The following CHRM3 variants were observed in gnomAD, a reference collection of about 807,000 sequenced individuals.
CHRM3 encodes the protein muscarinic acetylcholine receptor M3.
Under a neutral mutation model 41.8 loss-of-function variants are expected in CHRM3, and 11 were observed. The observed-to-expected ratio is 0.26, with a 90% CI of 0.17 to 0.44. CHRM3 has a LOEUF of 0.44. Among genes scored for constraint, CHRM3 ranks in the 20% least tolerant of loss-of-function variants. CHRM3 has a pLI of 1.00. For missense variants in CHRM3, 571 were observed against 745.4 expected (o/e 0.77, Z 2.72); for synonymous variants, 297 against 301.4 (o/e 0.99, Z 0.15).
intron 6 of CHRM3, among the ~76,000 whole-genome samples, chr1:239,839,778 A>G (rs1558168618): frequency 6.7e-6 from 1 of 150,142 alleles, no homozygotes; most frequent in Non-Finnish European, 1.5e-5. Flanking sequence ...TGGGACATTT[A>G]CTATTACATT....
At chr1:239,672,115 T>G (rs1674434317) in intron 4 of CHRM3, among the ~76,000 whole-genome samples, 1 of 152,180 alleles carries the variant, frequency 6.6e-6, no homozygotes, top group South Asian at 2.1e-4. Flanking sequence ...GATGTTTTAG[T>G]GAACTTGGAA....
intron 5 of CHRM3, among the ~76,000 whole-genome samples, chr1:239,813,683 C>T (rs189090664): frequency 0.047 from 6,861 of 147,466 alleles, 476 homozygotes; most frequent in African/African-American, 0.14. Context: ...TTTGGGAGGC[C>T]GAGGCGGGCG....
At position 239,845,044 on chromosome 1, in the gene CHRM3, G is replaced by C. The variant is rs1451886239; in HGVS notation, c.-20+17666G>C. ...GACAGGACTAGTCTATTTTCAAGAT[G>C]GCAGAGGTCACAGATGGGCTGAATG... On this transcript the variant is annotated intron_variant, in intron 6 of 6. Transcript: ENST00000676153. Among the ~76,000 whole-genome samples, 4 of 152,294 alleles carry C rather than the reference G, an allele frequency of 2.6e-5. No homozygotes were observed. The East Asian group carries it at 5.8e-4, about 22-fold the overall frequency.
intron 1 of CHRM3, among the ~76,000 whole-genome samples, chr1:239,427,588 G>A (rs1245985955): frequency 6.6e-6 from 1 of 152,084 alleles, no homozygotes; most frequent in African/African-American, 2.4e-5. Flanking sequence ...AAAGGGCAAG[G>A]AAACACCTGG....
At chr1:239,639,101 C>G (rs371774588) in intron 4 of CHRM3, among the ~76,000 whole-genome samples, 6 of 151,842 alleles carry the variant, frequency 4.0e-5, no homozygotes, top group Non-Finnish European at 7.4e-5. Context: ...TCTGAGGGCT[C>G]TGTTCTGTTC....
intron 3 of CHRM3, among the ~76,000 whole-genome samples, chr1:239,564,852 T>A (rs935247226): frequency 6.6e-6 from 1 of 152,186 alleles, no homozygotes; most frequent in African/African-American, 2.4e-5. Flanking sequence ...TATTTCCTAT[T>A]GCAACTCTAA....
intron 4 of CHRM3, among the ~76,000 whole-genome samples, chr1:239,636,112 G>A (rs1046372449): frequency 5.3e-5 from 8 of 152,102 alleles, no homozygotes; most frequent in Non-Finnish European, 1.0e-4. Flanking sequence ...GGGCGACAGG[G>A]CTCCGTTCTT....
intron 3 of CHRM3, among the ~76,000 whole-genome samples, chr1:239,627,681 C>T (rs1338275032): frequency 7.2e-6 from 1 of 139,462 alleles, no homozygotes; most frequent in Non-Finnish European, 1.5e-5. Context: ...TTCAGGAGCT[C>T]TTTTAGGGCA....
chr1:239,663,442 C>T (rs558130312), intron 4 of CHRM3, among the ~76,000 whole-genome samples: 1 of 152,292 alleles, frequency 6.6e-6, no homozygotes, highest in African/African-American at 2.4e-5. Context: ...CCTGTGACAA[C>T]CAACGGAAGG....
intron 2 of CHRM3, among the ~76,000 whole-genome samples, chr1:239,517,484 C>T (rs924908696): frequency 5.3e-5 from 8 of 152,272 alleles, no homozygotes; most frequent in African/African-American, 1.9e-4. Context: ...TTCATTTAGA[C>T]CATAAACACA....
At chr1:239,855,716 A>G (rs1271637168) in intron 6 of CHRM3, among the ~76,000 whole-genome samples, 1 of 152,196 alleles carries the variant, frequency 6.6e-6, no homozygotes, top group Non-Finnish European at 1.5e-5. Context: ...CATTGATTAT[A>G]AGCATTTTCA....
At chr1:239,416,980 G>A (rs980286239) in intron 1 of CHRM3, among the ~76,000 whole-genome samples, 3 of 152,134 alleles carry the variant, frequency 2.0e-5, no homozygotes, top group African/African-American at 7.2e-5. Flanking sequence ...GAACTATAAT[G>A]TCTTGAGAGT....
intron 5 of CHRM3, among the ~76,000 whole-genome samples, chr1:239,816,672 A>G (rs1016077301): frequency 1.3e-5 from 2 of 151,290 alleles, no homozygotes; most frequent in African/African-American, 2.4e-5. Flanking sequence ...ACTAAGCCCT[A>G]TTCTGCCTGT....
chr1:239,759,820 G>T (rs1666580023), intron 5 of CHRM3, among the ~76,000 whole-genome samples: 1 of 152,164 alleles, frequency 6.6e-6, no homozygotes, highest in African/African-American at 2.4e-5. Flanking sequence ...ATTTTTTACA[G>T]CACCTAGAGA....
intron 5 of CHRM3, among the ~76,000 whole-genome samples, chr1:239,810,698 G>C (rs1440346795): frequency 1.3e-5 from 2 of 152,242 alleles, no homozygotes; most frequent in Non-Finnish European, 2.9e-5. Context: ...CCTTGGCCAA[G>C]GCCAAAGGCA....
At chr1:239,463,877 A>G (rs1036606237) in intron 1 of CHRM3, among the ~76,000 whole-genome samples, 1 of 152,170 alleles carries the variant, frequency 6.6e-6, no homozygotes, top group South Asian at 2.1e-4. Context: ...CCACCATTCT[A>G]CAATTTTATT....
At chr1:239,837,126 G>A (rs957741267) in intron 6 of CHRM3, among the ~76,000 whole-genome samples, 1 of 152,146 alleles carries the variant, frequency 6.6e-6, no homozygotes, top group African/African-American at 2.4e-5. Context: ...GTGCTCCATG[G>A]ATCAGTCACA....
chr1:239,753,012 C>A (rs893179001), intron 5 of CHRM3, among the ~76,000 whole-genome samples: 3 of 151,966 alleles, frequency 2.0e-5, no homozygotes, highest in Non-Finnish European at 4.4e-5. Flanking sequence ...TGGGGAAGCA[C>A]AATATTTGTT....
At chr1:239,407,941 T>C (rs1433107753) in intron 1 of CHRM3, among the ~76,000 whole-genome samples, 1 of 152,132 alleles carries the variant, frequency 6.6e-6, no homozygotes, top group Non-Finnish European at 1.5e-5. Flanking sequence ...CCTTAGGAAA[T>C]CTGCAACTGA....
Sources: gnomAD v4.1 joint callset for allele counts (sites outside exome capture counted in the v4.1 genomes callset) on GRCh38, gnomAD v4.1.1 for gene constraint, MANE v1.5 for transcripts, NCBI Gene and HGNC (gene_info 2026-07-23, HGNC 2026-07-21) for gene names.